Variants in KLHL1 observed in about 807,000 individuals in gnomAD.
KLHL1 encodes the protein kelch-like protein 1.
Under a neutral mutation model 77.7 loss-of-function variants are expected in KLHL1, and 47 were observed. That is an observed-to-expected ratio of 0.60 (90% CI 0.48 to 0.77). KLHL1 has a LOEUF of 0.77. Among genes scored for constraint, KLHL1 ranks in the 30% least tolerant of loss-of-function variants. The probability of loss-of-function intolerance (pLI) is 0.00; values close to 1 mark genes in which losing one functional copy is unlikely to be tolerated. For synonymous variants in KLHL1, 360 were observed against 325.2 expected (o/e 1.11, Z -1.15); for missense variants, 925 against 910.8 (o/e 1.02, Z -0.20).
At chr13:69,917,455 C>T (rs11843948) in intron 4 of KLHL1, among the ~76,000 whole-genome samples, 15,607 of 152,070 alleles carry the variant, frequency 0.1, 1,119 homozygotes, top group Non-Finnish European at 0.15. Context: ...AAGAAAACCC[C>T]CGTCCCAGTG....
At chr13:69,993,078 T>TAC (rs1885065773) in intron 1 of KLHL1, among the ~76,000 whole-genome samples, 1 of 152,000 alleles carries the variant, frequency 6.6e-6, no homozygotes, top group South Asian at 2.1e-4. Flanking sequence ...TGCCTATATA[T>TAC]ACATATATAA....
intron 9 of KLHL1, 110 bp from the exon 10 acceptor site, chr13:69,707,906 T>C: frequency 1.2e-6 from 1 of 815,662 alleles, no homozygotes; most frequent in Non-Finnish European, 1.9e-6. Flanking sequence ...TACCTTTTTT[T>C]TTCTCTAAAG....
chr13:69,863,014 A>G (rs1302356956), intron 5 of KLHL1, among the ~76,000 whole-genome samples: 2 of 152,104 alleles, frequency 1.3e-5, no homozygotes, highest in East Asian at 3.9e-4. Flanking sequence ...TTTATCTTTT[A>G]CTCTATGTGT....
At chr13:69,753,598 A>G (rs1286258867) in intron 7 of KLHL1, among the ~76,000 whole-genome samples, 2 of 152,204 alleles carry the variant, frequency 1.3e-5, no homozygotes, top group South Asian at 2.1e-4. Context: ...AGATAAATCA[A>G]ATGAGAATAT....
At chr13:70,031,448 C>G (rs147127242) in intron 1 of KLHL1, among the ~76,000 whole-genome samples, 1 of 152,166 alleles carries the variant, frequency 6.6e-6, no homozygotes, top group South Asian at 2.1e-4. Context: ...TTAACAGTTA[C>G]TCAAAATTTA....
At chr13:69,845,001 C>T (rs1566317314) in intron 5 of KLHL1, among the ~76,000 whole-genome samples, 1 of 151,554 alleles carries the variant, frequency 6.6e-6, no homozygotes, top group African/African-American at 2.4e-5. Flanking sequence ...TGTGAACCCA[C>T]AAAAATAGCT....
chr13:69,895,221 C>A, intron 4 of KLHL1: 1 of 516,126 alleles, frequency 1.9e-6, no homozygotes, highest in Non-Finnish European at 3.9e-6. Flanking sequence ...TTACCAGTTG[C>A]AGTTTGCTGG....
chr13:69,986,371 A>G (rs1884869785), intron 1 of KLHL1, among the ~76,000 whole-genome samples: 1 of 152,046 alleles, frequency 6.6e-6, no homozygotes, highest in African/African-American at 2.4e-5. Context: ...GCTTGAAGTG[A>G]TGGATATGTT....
chr13:69,761,637 G>C (rs1875025011), intron 7 of KLHL1, among the ~76,000 whole-genome samples: 1 of 152,120 alleles, frequency 6.6e-6, no homozygotes, highest in Non-Finnish European at 1.5e-5. Flanking sequence ...TATGCCCTTT[G>C]GATAAACTCC....
At chr13:69,778,095 T>C (rs573305177) in intron 7 of KLHL1, among the ~76,000 whole-genome samples, 21 of 152,170 alleles carry the variant, frequency 1.4e-4, no homozygotes, top group African/African-American at 4.8e-4. Context: ...CTAAAGAAGA[T>C]AGTAAAACAG....
intron 4 of KLHL1, among the ~76,000 whole-genome samples, chr13:69,913,921 A>T (rs1375911156): frequency 1.3e-5 from 2 of 152,284 alleles, no homozygotes; most frequent in African/African-American, 4.8e-5. Flanking sequence ...GTGGACTGGG[A>T]AAGGCAGACC....
intron 5 of KLHL1, among the ~76,000 whole-genome samples, chr13:69,859,791 TA>T (rs1350797663): frequency 6.6e-6 from 1 of 152,066 alleles, no homozygotes; most frequent in East Asian, 1.9e-4. Flanking sequence ...ATATGACCAA[TA>T]AAACATTAAT....
intron 1 of KLHL1, among the ~76,000 whole-genome samples, chr13:70,045,966 C>A (rs1043464579): frequency 6.6e-6 from 1 of 152,166 alleles, no homozygotes; most frequent in Non-Finnish European, 1.5e-5. Flanking sequence ...AAGTTTTCAA[C>A]TGATTTCATT....
At chr13:70,066,104 T>A (rs1886999185) in intron 1 of KLHL1, among the ~76,000 whole-genome samples, 1 of 152,188 alleles carries the variant, frequency 6.6e-6, no homozygotes, top group Admixed American at 6.5e-5. Context: ...TTAACTGAAC[T>A]AAATCAAGCA....
At chr13:69,920,266 GA>G in intron 4 of KLHL1, among the ~76,000 whole-genome samples, 1 of 151,834 alleles carries the variant, frequency 6.6e-6, no homozygotes. Flanking sequence ...CCAATTTTTG[GA>G]AAACAGTATA....
intron 1 of KLHL1, among the ~76,000 whole-genome samples, chr13:70,083,150 T>C (rs1189531884): frequency 6.6e-6 from 1 of 152,180 alleles, no homozygotes; most frequent in South Asian, 2.1e-4. Context: ...TAAGTTCTTA[T>C]ATGAAAGAAG....
At chr13:69,905,481 G>T (rs1265208114) in intron 4 of KLHL1, among the ~76,000 whole-genome samples, 2 of 151,858 alleles carry the variant, frequency 1.3e-5, no homozygotes, top group African/African-American at 4.8e-5. Context: ...CCCTTTTCAT[G>T]AATTAAATTA....
At chr13:69,872,197 A>G (rs1458719378) in intron 5 of KLHL1, among the ~76,000 whole-genome samples, 2 of 152,198 alleles carry the variant, frequency 1.3e-5, no homozygotes, top group African/African-American at 4.8e-5. Context: ...AAGGTAAGCC[A>G]GCATGTGCAT....
chr13:69,888,025 C>T (rs1438473566), intron 4 of KLHL1, among the ~76,000 whole-genome samples: 2 of 152,124 alleles, frequency 1.3e-5, no homozygotes, highest in Non-Finnish European at 2.9e-5. Context: ...TTATAAACTA[C>T]AGAAAATTAT....
Sources: gnomAD v4.1 joint callset for allele counts (sites outside exome capture counted in the v4.1 genomes callset) on GRCh38, gnomAD v4.1.1 for gene constraint, MANE v1.5 for transcripts, NCBI Gene and HGNC (gene_info 2026-07-23, HGNC 2026-07-21) for gene names.